Variants in LIMCH1 observed in about 807,000 individuals in gnomAD.
LIMCH1 encodes the protein LIM and calponin homology domains 1.
Under a neutral mutation model 176.5 loss-of-function variants are expected in LIMCH1, and 113 were observed. The ratio of observed to expected loss-of-function variants is 0.64; its 90% confidence interval spans 0.55 to 0.75. The LOEUF is 0.75. LIMCH1 is among the 30% of genes least tolerant of loss of function. The pLI, the probability that LIMCH1 is intolerant of heterozygous loss-of-function variation, is 0.00. For missense variants in LIMCH1, 1,674 were observed against 1,814.9 expected (o/e 0.92, Z 1.41); for synonymous variants, 619 against 645.9 (o/e 0.96, Z 0.63).
intron 2 of LIMCH1, among the ~76,000 whole-genome samples, chr4:41,499,921 T>C (rs569507264): frequency 6.6e-6 from 1 of 152,406 alleles, no homozygotes; most frequent in East Asian, 1.9e-4. Context: ...TCTAGTCTTT[T>C]GTGTCTTTCA....
chr4:41,575,906 T>C (rs1458071510), intron 1 of LIMCH1, among the ~76,000 whole-genome samples: 3 of 152,166 alleles, frequency 2.0e-5, no homozygotes, highest in Non-Finnish European at 2.9e-5. Flanking sequence ...TGCCTCTAAG[T>C]AGAAGAATAA....
intron 1 of LIMCH1, among the ~76,000 whole-genome samples, chr4:41,467,380 G>A (rs1252651138): frequency 6.6e-6 from 1 of 152,160 alleles, no homozygotes; most frequent in African/African-American, 2.4e-5. Flanking sequence ...ACCTGAGACT[G>A]GGTGATTTAT....
intron 27 of LIMCH1, among the ~76,000 whole-genome samples, chr4:41,685,017 T>G (rs187701109): frequency 6.6e-6 from 1 of 152,112 alleles, no homozygotes; most frequent in Non-Finnish European, 1.5e-5. Context: ...ATGATCAAAT[T>G]CTACATGCCG....
intron 4 of LIMCH1, among the ~76,000 whole-genome samples, chr4:41,609,354 G>C (rs576679346): frequency 6.6e-6 from 1 of 151,666 alleles, no homozygotes; most frequent in East Asian, 1.9e-4. Context: ...CAGGGTATTT[G>C]TTGATTTTTC....
intron 1 of LIMCH1, among the ~76,000 whole-genome samples, chr4:41,391,938 A>G (rs1200429617): frequency 1.3e-5 from 2 of 152,226 alleles, no homozygotes; most frequent in African/African-American, 2.4e-5. Flanking sequence ...AGGAAGCTGG[A>G]TAAAGAACAT....
intron 1 of LIMCH1, among the ~76,000 whole-genome samples, chr4:41,390,441 C>G (rs2057101108): frequency 6.6e-6 from 1 of 152,118 alleles, no homozygotes; most frequent in African/African-American, 2.4e-5. Context: ...GTAAGGTCTG[C>G]CATGCGTGGT....
At chr4:41,608,927 C>T (rs1209821616) in intron 4 of LIMCH1, among the ~76,000 whole-genome samples, 1 of 152,138 alleles carries the variant, frequency 6.6e-6, no homozygotes, top group African/African-American at 2.4e-5. Flanking sequence ...TAACAGGGAG[C>T]GTGGCCAGTA....
rs777972726 is a variant in LIMCH1 at position 41,605,934 on chromosome 4, G to A, written c.-62G>A. 9.3e-6 allele frequency: 15 copies of A among 1,613,674 alleles called. No homozygotes were observed. The Admixed American group carries it at 2.5e-4, about 27-fold the overall frequency. On this transcript the variant is annotated 5_prime_UTR_variant, in exon 4 of 32. Transcript: ENST00000503057. ...TACTGGCTGGGAAAAGCAGCAAACA[G>A]CTGCACATCCTACAGCGGAACGACA...
At chr4:41,534,147 G>A (rs544448647), upstream of LIMCH1, among the ~76,000 whole-genome samples, 1 of 152,288 alleles carries the variant, frequency 6.6e-6, no homozygotes, top group African/African-American at 2.4e-5. Context: ...TAGGAGATAA[G>A]TAGTCCAAAT....
intron 2 of LIMCH1, among the ~76,000 whole-genome samples, chr4:41,602,876 A>AT (rs1327769959): frequency 6.6e-6 from 1 of 151,908 alleles, no homozygotes; most frequent in Admixed American, 6.6e-5. Context: ...TTTTTTTCCT[A>AT]TTAAAAACAG....
intron 13 of LIMCH1, among the ~76,000 whole-genome samples, chr4:41,634,766 T>C (rs1317492679): frequency 6.6e-6 from 1 of 152,186 alleles, no homozygotes; most frequent in Non-Finnish European, 1.5e-5. Context: ...TGAAGGAATC[T>C]ATGTTAGCTC....
chr4:41,504,990 C>T (rs533484053), intron 2 of LIMCH1, among the ~76,000 whole-genome samples: 1 of 152,200 alleles, frequency 6.6e-6, no homozygotes, highest in Non-Finnish European at 1.5e-5. Flanking sequence ...TTGAGTCCCC[C>T]AGTTTACTTT....
chr4:41,597,886 C>T (rs2089207558), intron 1 of LIMCH1, among the ~76,000 whole-genome samples: 1 of 152,188 alleles, frequency 6.6e-6, no homozygotes, highest in African/African-American at 2.4e-5. Context: ...AGAATCCTGA[C>T]TGCAAACTGG....
At chr4:41,494,408 AACAT>A (rs1422329803) in intron 1 of LIMCH1, 28 of 605,608 alleles carry the variant, frequency 4.6e-5, no homozygotes, top group Middle Eastern at 8.7e-4. Context: ...CATACACATA[AACAT>A]ACATATATAC....
chr4:41,513,393 G>A (rs940666626), intron 2 of LIMCH1, among the ~76,000 whole-genome samples: 3 of 152,100 alleles, frequency 2.0e-5, no homozygotes, highest in African/African-American at 7.2e-5. Context: ...TCTGCTGCAC[G>A]CCCAGTAAAG....
At chr4:41,448,985 A>G (rs1163637846) in intron 1 of LIMCH1, among the ~76,000 whole-genome samples, 1 of 152,180 alleles carries the variant, frequency 6.6e-6, no homozygotes, top group Non-Finnish European at 1.5e-5. Context: ...ATACAGTATT[A>G]CATTATCAAA....
At chr4:41,501,116 C>G (rs1193752630) in intron 2 of LIMCH1, among the ~76,000 whole-genome samples, 2 of 152,150 alleles carry the variant, frequency 1.3e-5, no homozygotes, top group Non-Finnish European at 2.9e-5. Flanking sequence ...CAAGAAAGAC[C>G]ATTAATGGCC....
At chr4:41,493,852 C>T (rs1363079995) in intron 1 of LIMCH1, among the ~76,000 whole-genome samples, 2 of 152,150 alleles carry the variant, frequency 1.3e-5, no homozygotes, top group Admixed American at 1.3e-4. Context: ...TATTCTTTCC[C>T]AGCTTTTAAT....
At chr4:41,462,343 T>G (rs894943451) in intron 1 of LIMCH1, among the ~76,000 whole-genome samples, 5 of 152,186 alleles carry the variant, frequency 3.3e-5, no homozygotes, top group Non-Finnish European at 7.4e-5. Flanking sequence ...GAAAAATCTT[T>G]ATTGGTAACT....
Sources: gnomAD v4.1 joint callset for allele counts (sites outside exome capture counted in the v4.1 genomes callset) on GRCh38, gnomAD v4.1.1 for gene constraint, MANE v1.5 for transcripts, NCBI Gene and HGNC (gene_info 2026-07-23, HGNC 2026-07-21) for gene names.